AVEN: variants seen among roughly 807,000 people sequenced by gnomAD.
The protein encoded by AVEN is cell death regulator Aven.
In AVEN, 41 loss-of-function variants were observed where a neutral mutation model predicts 38.1. The ratio of observed to expected loss-of-function variants is 1.08; its 90% CI spans 0.84 to 1.40. AVEN has a LOEUF of 1.40. AVEN is among the 40% of genes most tolerant of loss of function. AVEN has a pLI of 0.00. For synonymous variants in AVEN, 206 were observed against 171.8 expected (o/e 1.20, Z -1.56); for missense variants, 605 against 438.8 (o/e 1.38, Z -3.38).
intron 1 of AVEN, among the ~76,000 whole-genome samples, chr15:34,009,808 G>C (rs1315972434): frequency 6.6e-6 from 1 of 152,068 alleles, no homozygotes; most frequent in African/African-American, 2.4e-5. Context: ...GAGCAACATA[G>C]AGAGCATTGC....
At chr15:34,017,873 T>G (rs1040625549) in intron 1 of AVEN, among the ~76,000 whole-genome samples, 1 of 152,184 alleles carries the variant, frequency 6.6e-6, no homozygotes, top group South Asian at 2.1e-4. Flanking sequence ...GGACCATATT[T>G]ACAACAGTGG....
intron 1 of AVEN, among the ~76,000 whole-genome samples, chr15:34,038,284 T>G (rs1899249278): frequency 1.3e-5 from 2 of 152,160 alleles, no homozygotes; most frequent in South Asian, 4.1e-4. Flanking sequence ...AACAAACTTT[T>G]TATTATGCGC....
In AVEN at chr15:34,021,531, G is replaced by A. The variant is rs529932646; in HGVS notation, c.267+17249C>T. 9.9e-4 allele frequency among the ~76,000 whole-genome samples: 150 copies of A among 152,146 alleles called. 1 individual carries two copies. The highest frequency in any genetic ancestry group is 3.3e-3 in the African/African-American group (137 of 41,520). ...AACTCCTGACCTCAGGTGAGCCACC[G>A]CGCCTGGCTTATTTTCTGTATCTTT... On this transcript the variant is annotated intron_variant, in intron 1 of 5. Coordinates refer to ENST00000306730, the MANE Select transcript of AVEN (RefSeq NM_020371.3).
At chr15:33,986,635 C>A (rs977461879) in intron 2 of AVEN, among the ~76,000 whole-genome samples, 1 of 111,570 alleles carries the variant, frequency 9.0e-6, no homozygotes, top group Non-Finnish European at 2.2e-5. Flanking sequence ...TAGATCATGA[C>A]CATAAGGCTC....
At chr15:33,853,532 C>T in the AVEN span, 13 of 1,611,334 alleles carry the variant, frequency 8.1e-6, no homozygotes, top group South Asian at 8.8e-5. Flanking sequence ...GGCCTGAGCT[C>T]ACCCTGTCAT....
rs375797362 is a variant in AVEN, at chr15:33,867,556, T to C, written c.912A>G (p.Pro304=). The C allele has an allele frequency of 5.6e-6, 9 of 1,613,128 alleles. No individual in the cohort carries two copies. Among genetic ancestry groups the C allele is most frequent in the Middle Eastern group, 1.6e-4 (1 of 6,078 alleles). ...APIKEGDNIL[P]DQTSQDLKSK... is the part of the protein sequence containing the mutation. ...ATTTCAGGTCCTGAGACGTCTGATCTGGTAAGATGTTATCTCCCTCTTTTA... is the reference window on the plus strand; with the variant it reads ...ATTTCAGGTCCTGAGACGTCTGATCCGGTAAGATGTTATCTCCCTCTTTTA... The change falls in exon 5 of 6, where the codon CCA becomes CCG. Residue 304 remains proline (P), a synonymous_variant. Coordinates refer to ENST00000306730, the MANE Select transcript of AVEN (RefSeq NM_020371.3).
chr15:33,929,601 A>G (rs1004482446), intron 2 of AVEN, among the ~76,000 whole-genome samples: 2 of 152,240 alleles, frequency 1.3e-5, no homozygotes, highest in Non-Finnish European at 2.9e-5. Context: ...AACTAAAGCA[A>G]GAATTCTCTA....
At chr15:33,883,526 T>C (rs1597189074) in intron 2 of AVEN, 2 of 152,150 alleles carry the variant, frequency 1.3e-5, no homozygotes, top group East Asian at 1.9e-4. Context: ...TTATCTCAAC[T>C]GCTACATGAG....
At chr15:33,958,163 C>T (rs1895026943) in intron 2 of AVEN, among the ~76,000 whole-genome samples, 1 of 152,070 alleles carries the variant, frequency 6.6e-6, no homozygotes, top group East Asian at 1.9e-4. Context: ...TAAATTATAC[C>T]CCAAATTTTA....
chr15:33,909,783 AAATTATAACT>A (rs2153045115), intron 2 of AVEN, among the ~76,000 whole-genome samples: 1 of 152,306 alleles, frequency 6.6e-6, no homozygotes, highest in South Asian at 2.1e-4. Flanking sequence ...CAGGTATATA[AAATTATAACT>A]GCCACAACTT....
At position 34,039,167 on chromosome 15, in the gene AVEN, C is replaced by G; in HGVS notation, c.-121G>C. On this transcript the variant is annotated 5_prime_UTR_variant, in exon 1 of 6. Coordinates refer to ENST00000306730, the MANE Select transcript of AVEN (RefSeq NM_020371.3). ...CGAAAGGCGCCCGGTAGCAGCGAGG[C>G]GCGGGGTGCGGGGCTAGGGATCGAG... 1.1e-6 allele frequency: 1 copy of G among 872,348 alleles called. No individual in the cohort carries two copies. The highest frequency in any genetic ancestry group is 5.4e-4 in the Middle Eastern group (1 of 1,854). 54.0% of individuals were successfully genotyped at this position (872,348 alleles called of 1,614,324 possible). A position where few individuals can be genotyped will look rare whatever the true frequency, so the allele number is the denominator to read the frequency against.
At chr15:33,877,484 T>A (rs1263496715) in intron 2 of AVEN, among the ~76,000 whole-genome samples, 1 of 152,104 alleles carries the variant, frequency 6.6e-6, no homozygotes, top group African/African-American at 2.4e-5. Flanking sequence ...TCTTAAAAAA[T>A]AAATGGCTCT....
At position 33,867,650 on chromosome 15, in the gene AVEN, G is replaced by A. The variant is rs1000108469; in HGVS notation, c.818C>T (p.Ser273Phe). 1.2e-6 allele frequency: 2 copies of A among 1,614,072 alleles called. No individual in the cohort carries two copies. The highest frequency in any genetic ancestry group is 1.7e-6 in the Non-Finnish European group (2 of 1,180,040). ...ATGGTCTCCTGCTGACTGCAGTGGG[G>A]AAGTGGGTTTCTGAGAATCCCTTGA... ...GPSRDSQKPT[S>F]PLQSAGDHLE... Residue 273 changes from serine to phenylalanine, a missense_variant, in exon 5 of 6, where the codon TCC (serine) becomes TTC (phenylalanine). Ser to Phe is a radical substitution (Grantham distance 155). Transcript: ENST00000306730.
downstream of AVEN, chr15:33,853,820 C>G: frequency 9.3e-7 from 1 of 1,076,518 alleles, no homozygotes; most frequent in Non-Finnish European, 1.3e-6. Flanking sequence ...GGTTCTAACA[C>G]TGGGAGAGCA....
intron 2 of AVEN, among the ~76,000 whole-genome samples, chr15:33,906,078 A>G (rs955111976): frequency 3.3e-5 from 5 of 152,192 alleles, no homozygotes; most frequent in Admixed American, 6.5e-5. Context: ...CCCTACTAAA[A>G]AAAGGTCAAG....
Position 34,063,139 on chromosome 15 carries a change from A to T in AVEN, n.1420T>A, listed in dbSNP as rs375495476. On this transcript the variant is annotated non_coding_transcript_exon_variant, in exon 5 of 12. Coordinates refer to the AVEN transcript ENST00000675287. This position sits in a 1 kb window ranked among gnomAD's most constrained non-coding sequence, Gnocchi z 4.1. ...ACAAGACCCTTGACATATCGGGCCA[A>T]GCGTACTCCGAAAAGGGCTGGCATC... The T allele has an allele frequency of 5.3e-5, 85 of 1,614,048 alleles. No individual in the cohort carries two copies. Among genetic ancestry groups the T allele is most frequent in the Non-Finnish European group, 6.8e-5 (80 of 1,180,034 alleles).
chr15:33,939,093 A>G (rs1370640869), intron 2 of AVEN, among the ~76,000 whole-genome samples: 1 of 152,146 alleles, frequency 6.6e-6, no homozygotes, highest in Admixed American at 6.6e-5. Context: ...CGCCCGCTTC[A>G]GCCTCCCAAA....
downstream of AVEN, chr15:33,854,265 G>C: frequency 1.4e-6 from 1 of 714,564 alleles, no homozygotes; most frequent in South Asian, 1.7e-5. Context: ...CATACAACTT[G>C]ATAAAGCTGA....
At chr15:33,854,902 A>G (rs753333370), downstream of AVEN, 3 of 1,610,766 alleles carry the variant, frequency 1.9e-6, no homozygotes, top group Admixed American at 1.7e-5. Flanking sequence ...GTAACTCACA[A>G]TGGCAAACAG....
Sources: allele counts gnomAD v4.1 joint callset (sites outside exome capture counted in the v4.1 genomes callset), GRCh38; gene constraint gnomAD v4.1.1; non-coding constraint Gnocchi (gnomAD v3.1); transcripts MANE v1.5; gene names NCBI Gene and HGNC (gene_info 2026-07-23, HGNC 2026-07-21).